The following FARS2 variants were observed in gnomAD, a reference collection of about 807,000 sequenced individuals.
FARS2 encodes the protein phenylalanyl-tRNA synthetase 2, mitochondrial.
Under a neutral mutation model 46.4 loss-of-function variants are expected in FARS2, and 40 were observed. The ratio of observed to expected loss-of-function variants is 0.86; its 90% CI spans 0.67 to 1.12. The LOEUF is 1.12. Ranked by LOEUF, FARS2 falls within the 50% of genes most tolerant of loss-of-function variation. The pLI, the probability that FARS2 is intolerant of heterozygous loss-of-function variation, is 0.00. For synonymous variants in FARS2, 234 were observed against 214.9 expected, an observed-to-expected ratio of 1.09 and a Z score of -0.78; for missense variants, 513 against 567.9, an observed-to-expected ratio of 0.90 and a Z score of 0.98.
intron 4 of FARS2, chr6:5,457,770 AAAAT>A (rs1764983312): frequency 6.6e-6 from 1 of 152,222 alleles, no homozygotes; most frequent in Non-Finnish European, 1.5e-5. Context: ...GAGTCAAAGA[AAAAT>A]AAGTAACTCA....
chr6:5,369,196 T>A lies in FARS2; in HGVS notation c.612+14T>A. ...TCCAAGCATGAGGTGAGTCTTGAGA[T>A]GTTTCTCATCGCTGAAGGATGTCAT... On this transcript the variant is annotated intron_variant, in intron 2 of 6. Transcript: ENST00000274680. 6.3e-7 allele frequency: 1 copy of A among 1,599,184 alleles called. No individual in the cohort carries two copies. The highest frequency in any genetic ancestry group is 8.5e-7 in the Non-Finnish European group (1 of 1,177,066).
intron 6 of FARS2, among the ~76,000 whole-genome samples, chr6:5,675,914 C>T (rs141928409): frequency 2.0e-5 from 3 of 152,224 alleles, no homozygotes; most frequent in South Asian, 2.1e-4. Flanking sequence ...AACAACGTCT[C>T]GGTCATAATC....
At chr6:5,432,832 A>G (rs1269210465) in intron 4 of FARS2, among the ~76,000 whole-genome samples, 1 of 152,094 alleles carries the variant, frequency 6.6e-6, no homozygotes, top group Non-Finnish European at 1.5e-5. Context: ...GGCTTGGAAA[A>G]TGAGGATGAG....
chr6:5,529,370 C>G (rs544774369), intron 4 of FARS2, among the ~76,000 whole-genome samples: 2 of 152,234 alleles, frequency 1.3e-5, no homozygotes, highest in South Asian at 4.1e-4. Flanking sequence ...TGCAGTGGCA[C>G]AATCTCGGCG....
chr6:5,298,128 C>T (rs1390247618), intron 1 of FARS2, among the ~76,000 whole-genome samples: 1 of 152,220 alleles, frequency 6.6e-6, no homozygotes, highest in Non-Finnish European at 1.5e-5. Context: ...AGAGGATATG[C>T]ATTTTCCCTC....
At chr6:5,705,723 A>G (rs139514716) in intron 6 of FARS2, among the ~76,000 whole-genome samples, 97 of 152,168 alleles carry the variant, frequency 6.4e-4, no homozygotes, top group Non-Finnish European at 1.3e-3. Flanking sequence ...GCCATTTGGA[A>G]TGTTCCCATT....
In FARS2 at chr6:5,539,396, A is replaced by ACATATATATATATATATATATATATG. The variant is rs1770452568; in HGVS notation, c.905-5784_905-5783insCATATATATATATATATATATATATG. On this transcript the variant is annotated intron_variant, in intron 4 of 6. Coordinates refer to ENST00000274680, the MANE Select transcript of FARS2 (RefSeq NM_006567.5). ...TAATTTTTTTTGTGTATATATATATATATGTATATATTTTTTTAGTAGAGA... is the reference window on the plus strand; with the variant it reads ...TAATTTTTTTTGTGTATATATATATACATATATATATATATATATATATATGTATGTATATATTTTTTTAGTAGAGA... 1.5e-5 allele frequency among the ~76,000 whole-genome samples: 2 copies of ACATATATATATATATATATATATATG among 136,492 alleles called. 1 individual carries two copies. The highest frequency in any genetic ancestry group is 5.9e-5 in the African/African-American group (2 of 33,736). 89.5% of individuals were successfully genotyped at this position (136,492 alleles called of 152,430 possible).
intron 3 of FARS2, among the ~76,000 whole-genome samples, chr6:5,424,169 G>A: frequency 6.6e-6 from 1 of 152,062 alleles, no homozygotes; most frequent in East Asian, 1.9e-4. Flanking sequence ...CTGGATCTTT[G>A]TCTGGGACCT....
chr6:5,348,141 C>A (rs146574604), intron 1 of FARS2, among the ~76,000 whole-genome samples: 52 of 152,272 alleles, frequency 3.4e-4, no homozygotes, highest in African/African-American at 1.1e-3. Flanking sequence ...CCAAAGATGT[C>A]TTTTGAGAAA....
chr6:5,609,516 T>A lies in FARS2; in HGVS notation c.1066-3653T>A. Reference sequence around the variant, plus strand: ...ATCATGGCTGCCACCAAAGCCACCATGACCACTGAAGTTTCCTCCATGACC... The same window carrying A: ...ATCATGGCTGCCACCAAAGCCACCAAGACCACTGAAGTTTCCTCCATGACC... On this transcript the variant is annotated intron_variant, in intron 5 of 6. Coordinates refer to ENST00000274680, the MANE Select transcript of FARS2 (RefSeq NM_006567.5). The A allele has an allele frequency of 3.2e-6, 4 of 1,237,048 alleles. No individual in the cohort carries two copies. In the South Asian group the frequency reaches 4.8e-5, roughly 15 times the overall value. The allele number at this position is 1,237,048 out of a possible 1,614,324, so 76.6% of individuals were successfully genotyped here. A position where few individuals can be genotyped will look rare whatever the true frequency, so the allele number is the denominator to read the frequency against.
chr6:5,716,600 G>A (rs746959967), intron 6 of FARS2, among the ~76,000 whole-genome samples: 1 of 152,172 alleles, frequency 6.6e-6, no homozygotes, highest in African/African-American at 2.4e-5. Flanking sequence ...AGGGCCCACA[G>A]GTTGAGGGCT....
chr6:5,355,836 C>A (rs1357587441), intron 1 of FARS2, among the ~76,000 whole-genome samples: 1 of 152,160 alleles, frequency 6.6e-6, no homozygotes. Flanking sequence ...TTGGAGACAC[C>A]TACTATGATC....
At chr6:5,741,346 G>A (rs1355423712) in intron 6 of FARS2, among the ~76,000 whole-genome samples, 1 of 152,204 alleles carries the variant, frequency 6.6e-6, no homozygotes, top group East Asian at 1.9e-4. Flanking sequence ...GAGAGCATTG[G>A]TCATGCAACA....
chr6:5,260,992 C>T (rs2127792906), upstream of FARS2: 1 of 1,105,910 alleles, frequency 9.0e-7, no homozygotes, highest in Non-Finnish European at 1.1e-6. Flanking sequence ...GATGCCTCCG[C>T]CCCGCCCCGA....
At chr6:5,675,152 A>G (rs970642536) in intron 6 of FARS2, among the ~76,000 whole-genome samples, 8 of 152,118 alleles carry the variant, frequency 5.3e-5, no homozygotes, top group African/African-American at 1.9e-4. Flanking sequence ...ATAAAGTTGC[A>G]TATATTTACC....
At chr6:5,609,731 A>G (rs1036122734) in intron 5 of FARS2, 15 of 1,509,664 alleles carry the variant, frequency 9.9e-6, no homozygotes, top group African/African-American at 2.7e-5. Context: ...ATGGTCGTCA[A>G]AAGTTACAAA....
intron 6 of FARS2, among the ~76,000 whole-genome samples, chr6:5,767,201 G>A (rs183259680): frequency 1.1e-4 from 16 of 151,854 alleles, no homozygotes; most frequent in South Asian, 2.1e-4. Flanking sequence ...AATTACAGGC[G>A]CCCTCCACCA....
intron 1 of FARS2, among the ~76,000 whole-genome samples, chr6:5,301,802 TACACACACAC>T (rs143654686): frequency 0.025 from 3,355 of 132,422 alleles, 53 homozygotes; most frequent in Non-Finnish European, 0.039. Context: ...CACACACACA[TACACACACAC>T]ACACACACAC....
intron 1 of FARS2, among the ~76,000 whole-genome samples, chr6:5,268,738 A>G (rs1238043886): frequency 6.6e-6 from 1 of 152,164 alleles, no homozygotes; most frequent in African/African-American, 2.4e-5. Flanking sequence ...AATTCTGTGA[A>G]GAAAGTCATT....
Sources: gnomAD v4.1 joint callset for allele counts (sites outside exome capture counted in the v4.1 genomes callset) on GRCh38, gnomAD v4.1.1 for gene constraint, MANE v1.5 for transcripts, NCBI Gene and HGNC (gene_info 2026-07-23, HGNC 2026-07-21) for gene names.